TMEM217: variants seen among roughly 807,000 people sequenced by gnomAD.
The protein encoded by TMEM217 is transmembrane protein 217.
For synonymous variants in TMEM217, 76 were observed against 88.3 expected (o/e 0.86, Z 0.78); for missense variants, 204 against 248.8 (o/e 0.82, Z 1.21).
downstream of TMEM217, among the ~76,000 whole-genome samples, chr6:37,213,506 G>A (rs1763017774): frequency 6.6e-6 from 1 of 152,220 alleles, no homozygotes; most frequent in Non-Finnish European, 1.5e-5. Flanking sequence ...GCCCAGCCTT[G>A]TCCCAAGTCA....
At chr6:37,251,935 C>T (rs1335337104) in intron 1 of TMEM217, among the ~76,000 whole-genome samples, 1 of 152,012 alleles carries the variant, frequency 6.6e-6, no homozygotes, top group Non-Finnish European at 1.5e-5. Flanking sequence ...CTCTTGTTGC[C>T]CAGGCTGGAG....
chr6:37,245,261 A>G (rs1402614990), intron 1 of TMEM217, among the ~76,000 whole-genome samples: 1 of 152,244 alleles, frequency 6.6e-6, no homozygotes, highest in Non-Finnish European at 1.5e-5. Context: ...GAGCTGGGTC[A>G]CTGAAGACAC....
chr6:37,228,439 C>T (rs533141806), intron 1 of TMEM217, among the ~76,000 whole-genome samples: 1 of 152,346 alleles, frequency 6.6e-6, no homozygotes, highest in Admixed American at 6.5e-5. Context: ...CGTGATGGCT[C>T]ACGCTTGTAA....
intron 1 of TMEM217, among the ~76,000 whole-genome samples, chr6:37,249,412 C>T (rs1765273144): frequency 6.6e-6 from 1 of 152,168 alleles, no homozygotes. Flanking sequence ...CTCCACTTTC[C>T]AGGTTCAAGC....
chr6:37,226,459 A>ATT, intron 1 of TMEM217, among the ~76,000 whole-genome samples: 1 of 144,130 alleles, frequency 6.9e-6, no homozygotes, highest in East Asian at 2.0e-4. Flanking sequence ...CGCCCAGCTA[A>ATT]TTTTTTTTTT....
chr6:37,246,418 T>G (rs1765086210), intron 1 of TMEM217, among the ~76,000 whole-genome samples: 1 of 152,166 alleles, frequency 6.6e-6, no homozygotes, highest in Non-Finnish European at 1.5e-5. Context: ...CATATGATAC[T>G]TCTTGAGGCA....
intron 1 of TMEM217, among the ~76,000 whole-genome samples, chr6:37,239,680 A>G (rs956864929): frequency 1.3e-5 from 2 of 152,128 alleles, no homozygotes; most frequent in Non-Finnish European, 2.9e-5. Context: ...TTGACTTGTG[A>G]TCTCAGTAGA....
chr6:37,251,857 T>C (rs1765416680), intron 1 of TMEM217, among the ~76,000 whole-genome samples: 1 of 152,236 alleles, frequency 6.6e-6, no homozygotes, highest in Admixed American at 6.5e-5. Flanking sequence ...TGGTATGCTA[T>C]TTTTATATGA....
downstream of TMEM217, among the ~76,000 whole-genome samples, chr6:37,216,367 C>T (rs189357743): frequency 1.9e-4 from 29 of 152,298 alleles, no homozygotes; most frequent in African/African-American, 6.3e-4. Flanking sequence ...ACGTGAGCCC[C>T]TGCGCCTGGC....
intron 1 of TMEM217, among the ~76,000 whole-genome samples, chr6:37,249,182 G>T (rs1340235437): frequency 6.6e-6 from 1 of 152,152 alleles, no homozygotes; most frequent in South Asian, 2.1e-4. Flanking sequence ...AGGTTCCAGG[G>T]ATTTTAATGT....
chr6:37,216,501 G>T (rs2113804540), downstream of TMEM217, among the ~76,000 whole-genome samples: 1 of 152,326 alleles, frequency 6.6e-6, no homozygotes, highest in South Asian at 2.1e-4. Context: ...AAGTAAGGCA[G>T]CAGAGGGATG....
At chr6:37,233,393 C>T (rs1332305895) in intron 1 of TMEM217, among the ~76,000 whole-genome samples, 2 of 152,140 alleles carry the variant, frequency 1.3e-5, no homozygotes, top group East Asian at 3.8e-4. Flanking sequence ...AAATTTATTT[C>T]TCAGTTTTGG....
intron 1 of TMEM217, among the ~76,000 whole-genome samples, chr6:37,248,960 G>A (rs1240829666): frequency 2.0e-5 from 3 of 152,174 alleles, no homozygotes; most frequent in Non-Finnish European, 4.4e-5. Flanking sequence ...CTGGGTTCTG[G>A]TGGCTCCAGG....
chr6:37,247,799 A>T (rs577213632), intron 1 of TMEM217, among the ~76,000 whole-genome samples: 82 of 152,314 alleles, frequency 5.4e-4, no homozygotes, highest in African/African-American at 1.8e-3. Flanking sequence ...TTGGGTGTTT[A>T]CCAACTCCTG....
chr6:37,224,866 T>C (rs1763732395), intron 1 of TMEM217, among the ~76,000 whole-genome samples: 1 of 152,018 alleles, frequency 6.6e-6, no homozygotes, highest in Admixed American at 6.5e-5. Flanking sequence ...CATATATATG[T>C]GAATAAAACT....
At chr6:37,215,464 G>A (rs1409483039), downstream of TMEM217, among the ~76,000 whole-genome samples, 2 of 150,400 alleles carry the variant, frequency 1.3e-5, no homozygotes, top group Non-Finnish European at 2.9e-5. Flanking sequence ...TACCTGGGAG[G>A]CTGAGGCAGC....
chr6:37,230,133 G>T (rs747940156), intron 1 of TMEM217, among the ~76,000 whole-genome samples: 25 of 152,186 alleles, frequency 1.6e-4, no homozygotes, highest in Non-Finnish European at 2.9e-4. Flanking sequence ...GCCAGCAGTG[G>T]TACATCAAGT....
chr6:37,216,028 TGTGTGA>T (rs1478354782), downstream of TMEM217, among the ~76,000 whole-genome samples: 63 of 116,142 alleles, frequency 5.4e-4, no homozygotes, highest in East Asian at 1.6e-3. Flanking sequence ...TGTGTGTGTG[TGTGTGA>T]GAAACAGATA....
downstream of TMEM217, among the ~76,000 whole-genome samples, chr6:37,213,219 T>C (rs560454547): frequency 6.6e-6 from 1 of 152,346 alleles, no homozygotes; most frequent in Non-Finnish European, 1.5e-5. Flanking sequence ...GCCTGGGACT[T>C]CCTAAGTAGC....
Sources: gnomAD v4.1 joint callset for allele counts (sites outside exome capture counted in the v4.1 genomes callset) on GRCh38, gnomAD v4.1.1 for gene constraint, MANE v1.5 for transcripts, NCBI Gene and HGNC (gene_info 2026-07-23, HGNC 2026-07-21) for gene names.